PRR14L: variants seen among roughly 807,000 people sequenced by gnomAD.
The protein encoded by PRR14L is protein PRR14L.
In PRR14L, 80 loss-of-function variants were observed where a neutral mutation model predicts 155.0. That is an observed-to-expected ratio of 0.52 (90% CI 0.43 to 0.62). The LOEUF (loss-of-function observed/expected upper bound fraction) is 0.62, where lower values mean the gene tolerates loss of function less well. Among genes scored for constraint, PRR14L ranks in the 20% least tolerant of loss-of-function variants. PRR14L has a pLI of 0.00. For synonymous variants in PRR14L, 883 were observed against 916.0 expected (o/e 0.96, Z 0.65); for missense variants, 2,469 against 2,548.0 (o/e 0.97, Z 0.67).
intron 7 of PRR14L, among the ~76,000 whole-genome samples, chr22:31,691,130 A>C (rs2074509743): frequency 1.3e-5 from 2 of 150,758 alleles, no homozygotes; most frequent in Non-Finnish European, 2.9e-5. Flanking sequence ...CGCGCGGCTA[A>C]TTTTTAAAAT....
chr22:31,725,522 T>C lies in PRR14L; in HGVS notation c.547+16A>G. 1 of 1,512,218 alleles carries C rather than the reference T, an allele frequency of 6.6e-7. No homozygotes were observed. The highest frequency in any genetic ancestry group is 9.0e-7 in the Non-Finnish European group (1 of 1,111,464). The allele number at this position is 1,512,218 out of a possible 1,614,324, so 93.7% of individuals were successfully genotyped here. A position where few individuals can be genotyped will look rare whatever the true frequency, so the allele number is the denominator to read the frequency against. ...CAGTAAGTGGATAAAGGAAGAGATTTGAGAGAAATAAATACCTTTGCTCCT... is the reference window on the plus strand; with the variant it reads ...CAGTAAGTGGATAAAGGAAGAGATTCGAGAGAAATAAATACCTTTGCTCCT... On this transcript the variant is annotated intron_variant, in intron 3 of 8. Coordinates refer to ENST00000327423, the MANE Select transcript of PRR14L (RefSeq NM_173566.3).
Position 31,683,980 on chromosome 22 carries a change from G to A in PRR14L, c.*1547C>T, listed in dbSNP as rs1267164577. ...GCTCCATGCCAGTGGCTCCCAGGAGGATATGAAGAGGTGATGCTGGTGTCC... is the reference window on the plus strand; with the variant it reads ...GCTCCATGCCAGTGGCTCCCAGGAGAATATGAAGAGGTGATGCTGGTGTCC... On this transcript the variant is annotated 3_prime_UTR_variant, in exon 9 of 9. Transcript: ENST00000327423. The A allele has an allele frequency of 6.6e-6, 1 of 152,248 alleles. No homozygotes were observed. Among genetic ancestry groups the A allele is most frequent in the African/African-American group, 2.4e-5 (1 of 41,432 alleles). The allele number at this position is 152,248 out of a possible 1,614,324, so 9.4% of individuals were successfully genotyped here.
At chr22:31,728,372 G>A (rs2074729278) in intron 2 of PRR14L, among the ~76,000 whole-genome samples, 1 of 152,102 alleles carries the variant, frequency 6.6e-6, no homozygotes, top group South Asian at 2.1e-4. Context: ...CAGCACTTTG[G>A]GAGGCCGAGG....
intron 7 of PRR14L, among the ~76,000 whole-genome samples, chr22:31,688,738 CTG>C (rs1292193709): frequency 1.3e-5 from 2 of 151,942 alleles, no homozygotes; most frequent in Non-Finnish European, 2.9e-5. Context: ...TGTGAACTGA[CTG>C]TTCTTTTTTT....
chr22:31,747,808 CAAAAAA>C (rs560956513), intron 1 of PRR14L, among the ~76,000 whole-genome samples: 15 of 112,080 alleles, frequency 1.3e-4, no homozygotes, highest in Non-Finnish European at 1.9e-4. Flanking sequence ...CCTATCCCAC[CAAAAAA>C]AAAAAAAAAC....
chr22:31,729,208 ATTTAT>A (rs2074734540), intron 2 of PRR14L, among the ~76,000 whole-genome samples: 1 of 151,994 alleles, frequency 6.6e-6, no homozygotes, highest in Non-Finnish European at 1.5e-5. Flanking sequence ...TTAGTTGCAA[ATTTAT>A]TTATTTATTT....
At chr22:31,711,509 G>T (rs1174760244) in intron 4 of PRR14L, among the ~76,000 whole-genome samples, 1 of 151,556 alleles carries the variant, frequency 6.6e-6, no homozygotes, top group African/African-American at 2.4e-5. Flanking sequence ...AAGCAGCCTG[G>T]TTGGCTTATG....
At chr22:31,720,534 A>C (rs1601508207) in intron 3 of PRR14L, among the ~76,000 whole-genome samples, 1 of 152,096 alleles carries the variant, frequency 6.6e-6, no homozygotes, top group African/African-American at 2.4e-5. Context: ...GGAGTTCAAG[A>C]CCAGCCTGGC....
intron 8 of PRR14L, among the ~76,000 whole-genome samples, chr22:31,687,069 C>T (rs1296555849): frequency 1.3e-5 from 2 of 152,132 alleles, no homozygotes; most frequent in Non-Finnish European, 2.9e-5. Flanking sequence ...TGGAGTTTCG[C>T]TCTTGTTGCC....
At chr22:31,740,128 G>A (rs2074804686) in intron 1 of PRR14L, among the ~76,000 whole-genome samples, 1 of 151,822 alleles carries the variant, frequency 6.6e-6, no homozygotes, top group Admixed American at 6.6e-5. Flanking sequence ...TGGTGCAATC[G>A]TTCCTCACCG....
At chr22:31,706,257 G>T (rs944449231) in intron 4 of PRR14L, among the ~76,000 whole-genome samples, 1 of 150,078 alleles carries the variant, frequency 6.7e-6, no homozygotes, top group Non-Finnish European at 1.5e-5. Flanking sequence ...CTTGAACCCG[G>T]GAGGGTGAGG....
At chr22:31,723,560 G>A (rs1489948360) in intron 3 of PRR14L, among the ~76,000 whole-genome samples, 3 of 152,170 alleles carry the variant, frequency 2.0e-5, no homozygotes, top group African/African-American at 7.2e-5. Context: ...GATCTTGGGG[G>A]TGGGGTTAGG....
chr22:31,727,739 T>G (rs1282485382), intron 2 of PRR14L, among the ~76,000 whole-genome samples: 1 of 151,922 alleles, frequency 6.6e-6, no homozygotes, highest in Non-Finnish European at 1.5e-5. Context: ...CCCAGCACTT[T>G]GGGAGGCTGA....
Position 31,715,173 on chromosome 22 carries a change from G to T in PRR14L, c.2666C>A (p.Thr889Asn). The T allele has an allele frequency of 6.4e-7, 1 of 1,551,998 alleles. No homozygotes were observed. ...GLLNSGISNK[T>N]IHTSSSIKLS... ...TTTGATGCTACTGGAGGTGTGAATG[G>T]TTTTGTTTGAAATTCCACTATTTAA... Residue 889 changes from threonine to asparagine, a missense_variant, in exon 4 of 9, where the codon ACC (threonine) becomes AAC (asparagine). By Grantham distance (65) the Thr-to-Asn change is moderately conservative. This residue lies in a region of PRR14L where 2,363 missense variants were observed against 2,371.6 expected (regional missense o/e 1.00). Coordinates refer to ENST00000327423, the MANE Select transcript of PRR14L (RefSeq NM_173566.3).
Position 31,685,390 on chromosome 22 carries a change from T to C in PRR14L, c.*137A>G, listed in dbSNP as rs2074477096. The C allele has an allele frequency of 4.4e-6, 3 of 682,488 alleles. No homozygotes were observed. The highest frequency in any genetic ancestry group is 7.3e-6 in the Non-Finnish European group (3 of 413,222). The allele number at this position is 682,488 out of a possible 1,614,324, so 42.3% of individuals were successfully genotyped here. On this transcript the variant is annotated 3_prime_UTR_variant, in exon 9 of 9. Coordinates refer to ENST00000327423, the MANE Select transcript of PRR14L (RefSeq NM_173566.3). The stretch of plus-strand genomic sequence containing the variant: ...TTGAAATAGGTAAAAATTCATGGAC[T>C]GTGCATTTTTGAGTGGTTTGGCGGT...
chr22:31,705,632 A>C (rs2074586808), intron 4 of PRR14L, among the ~76,000 whole-genome samples: 1 of 151,848 alleles, frequency 6.6e-6, no homozygotes, highest in South Asian at 2.1e-4. Flanking sequence ...TTAAATTCCC[A>C]AAGTGCTGGC....
At chr22:31,729,364 A>T (rs2147871594) in intron 2 of PRR14L, among the ~76,000 whole-genome samples, 1 of 152,264 alleles carries the variant, frequency 6.6e-6, no homozygotes, top group East Asian at 1.9e-4. Context: ...GGCACCCGCC[A>T]CTACGCCCGG....
chr22:31,728,236 C>T (rs187756403), intron 2 of PRR14L, among the ~76,000 whole-genome samples: 1 of 152,270 alleles, frequency 6.6e-6, no homozygotes, highest in African/African-American at 2.4e-5. Context: ...ATATGATGAA[C>T]TAGCAGAAAT....
At position 31,738,777 on chromosome 22, in the gene PRR14L, G is replaced by A. The variant is rs2074797054; in HGVS notation, c.84C>T (p.Leu28=). The A allele has an allele frequency of 2.6e-6, 4 of 1,551,802 alleles. No individual in the cohort carries two copies. The highest frequency in any genetic ancestry group is 3.5e-6 in the Non-Finnish European group (4 of 1,147,064). The change falls in exon 2 of 9, where the codon CTC becomes CTT. Residue 28 remains leucine (L), a synonymous_variant. Coordinates refer to ENST00000327423, the MANE Select transcript of PRR14L (RefSeq NM_173566.3). ...GAAGCTCTCTGGAGACACTTACTGG[G>A]AGTTCAGAGTATAATTCCTGTACCA... ...SAVVQELYSE[L]PVSVSRELHA... is the part of the protein sequence containing the mutation.
Sources: gnomAD v4.1 joint callset for allele counts (sites outside exome capture counted in the v4.1 genomes callset) on GRCh38, gnomAD v4.1.1 for gene constraint, gnomAD v4.1.1 regional missense constraint, MANE v1.5 for transcripts, NCBI Gene and HGNC (gene_info 2026-07-23, HGNC 2026-07-21) for gene names.